The following CCDC121 variants were observed in gnomAD, a reference collection of about 807,000 sequenced individuals.
The protein encoded by CCDC121 is coiled-coil domain-containing protein 121.
For synonymous variants in CCDC121, 108 were observed against 120.0 expected (o/e 0.90, Z 0.65); for missense variants, 238 against 304.1 (o/e 0.78, Z 1.62).
intron 1 of CCDC121, chr2:27,628,408 C>T (rs1264291922): frequency 1.9e-6 from 3 of 1,551,494 alleles, no homozygotes; most frequent in Non-Finnish European, 2.6e-6. Context: ...GGAATCCAAG[C>T]ATTCATCCTG....
chr2:27,627,807 A>C lies in CCDC121; in HGVS notation c.-8T>G. The C allele has an allele frequency of 6.2e-7, 1 of 1,613,844 alleles. No individual in the cohort carries two copies. Among genetic ancestry groups the C allele is most frequent in the Non-Finnish European group, 8.5e-7 (1 of 1,179,930 alleles). Reference sequence around the variant, plus strand: ...CTTGTTCAGATCCGTCATTTCCGCCACTATCTTTTCTTTAAGCCTTGTCTC... The same window carrying C: ...CTTGTTCAGATCCGTCATTTCCGCCCCTATCTTTTCTTTAAGCCTTGTCTC... On this transcript the variant is annotated 5_prime_UTR_variant, in exon 2 of 2. Coordinates refer to ENST00000324364, the MANE Select transcript of CCDC121 (RefSeq NM_024584.5).
At position 27,627,059 on chromosome 2, in the gene CCDC121, C is replaced by G. The variant is rs1433311825; in HGVS notation, c.741G>C (p.Leu247=). ...TTAGGCACTGATTATGACTTCCTTG[C>G]AGTCTCTGCCTCGCCTGGATTAAGG... ...LESLIQARQR[L]QGSHNQCLNR... The change falls in exon 2 of 2, where the codon CTG becomes CTC. Residue 247 remains leucine (L), a synonymous_variant. Coordinates refer to ENST00000324364, the MANE Select transcript of CCDC121 (RefSeq NM_024584.5). 1.2e-6 allele frequency: 2 copies of G among 1,614,116 alleles called. No individual in the cohort carries two copies. Among genetic ancestry groups the G allele is most frequent in the Admixed American group, 3.3e-5 (2 of 60,018 alleles).
chr2:27,627,619 A>C lies in CCDC121; in HGVS notation c.181T>G (p.Tyr61Asp). 4 of 1,613,776 alleles carry C rather than the reference A, an allele frequency of 2.5e-6. No homozygotes were observed. The highest frequency in any genetic ancestry group is 3.4e-6 in the Non-Finnish European group (4 of 1,180,002). Reference sequence around the variant, plus strand: ...TCAATCTCTCCACTTTTTTGTAAATAGCTGTTCCATACCTTCTCAGGTTGC... The same window carrying C: ...TCAATCTCTCCACTTTTTTGTAAATCGCTGTTCCATACCTTCTCAGGTTGC... ...TEQPEKVWNS[Y>D]LQKSGEIERR... is the part of the protein sequence containing the mutation. The change falls in exon 2 of 2, where the codon TAT becomes GAT. Residue 61 changes from tyrosine (Y) to aspartate (D), a missense_variant. Coordinates refer to ENST00000324364, the MANE Select transcript of CCDC121 (RefSeq NM_024584.5).
rs562079192 is a variant in CCDC121 at position 27,628,053 on chromosome 2, C to T, written c.-118-136G>A. Reference sequence around the variant, plus strand: ...AGACATTATGCAAGGTGTGGGGAATCCAGCTAGTGGTAAAGGATGAGGAAT... The same window carrying T: ...AGACATTATGCAAGGTGTGGGGAATTCAGCTAGTGGTAAAGGATGAGGAAT... On this transcript the variant is annotated intron_variant, in intron 1 of 1. Coordinates refer to ENST00000324364, the MANE Select transcript of CCDC121 (RefSeq NM_024584.5). The T allele has an allele frequency of 3.5e-4, 237 of 685,892 alleles. 4 individuals carry two copies. In the South Asian group the frequency reaches 4.3e-3, roughly 13 times the overall value. The allele number at this position is 685,892 out of a possible 1,614,324, so 42.5% of individuals were successfully genotyped here.
chr2:27,627,984 CCTT>C, intron 1 of CCDC121, 67 bp from the exon 2 acceptor site: 2 of 1,055,072 alleles, frequency 1.9e-6, no homozygotes, highest in Non-Finnish European at 2.9e-6. Context: ...GCACAACTGT[CCTT>C]CATTCATACA....
rs776602104 is a variant in CCDC121 at position 27,627,844 on chromosome 2, G to A, written c.-45C>T. On this transcript the variant is annotated 5_prime_UTR_variant, in exon 2 of 2. Coordinates refer to ENST00000324364, the MANE Select transcript of CCDC121 (RefSeq NM_024584.5). ...TTAAGCCTTGTCTCTACCTTTGTTA[G>A]CTTCTCTGGCTTGACAAAATTATTT... 94 of 1,613,874 alleles carry A rather than the reference G, an allele frequency of 5.8e-5. No homozygotes were observed. The highest frequency in any genetic ancestry group is 7.5e-5 in the Non-Finnish European group (89 of 1,179,980).
In CCDC121 at chr2:27,625,787, A is replaced by G. The variant is rs1236527514; in HGVS notation, c.*1176T>C. 1.3e-5 allele frequency: 2 copies of G among 152,370 alleles called. No individual in the cohort carries two copies. The highest frequency in any genetic ancestry group is 2.9e-5 in the Non-Finnish European group (2 of 68,034). The allele number at this position is 152,370 out of a possible 1,614,324, so 9.4% of individuals were successfully genotyped here. The stretch of plus-strand genomic sequence containing the variant: ...TTTTCAGGGAATTCACTTTACATGT[A>G]AATAAAGCAGAAAATGCAGGAAAAT... On this transcript the variant is annotated 3_prime_UTR_variant, in exon 2 of 2. Coordinates refer to ENST00000324364, the MANE Select transcript of CCDC121 (RefSeq NM_024584.5).
At chr2:27,628,820 C>G in intron 1 of CCDC121, 130 bp downstream of exon 1, 3 of 1,483,048 alleles carry the variant, frequency 2.0e-6, no homozygotes, top group Non-Finnish European at 2.7e-6. Flanking sequence ...AGATCAGCGC[C>G]CTTTTCCTAG....
Position 27,627,639 on chromosome 2 carries a change from G to A in CCDC121, c.161C>T (p.Pro54Leu), listed in dbSNP as rs55842330. 1 of 1,613,526 alleles carries A rather than the reference G, an allele frequency of 6.2e-7. No individual in the cohort carries two copies. Among genetic ancestry groups the A allele is most frequent in the Non-Finnish European group, 8.5e-7 (1 of 1,179,962 alleles). ...TNKTEEYTEQ[P>L]EKVWNSYLQK... ...TAAATAGCTGTTCCATACCTTCTCAGGTTGCTCTGTGTACTCTTCAGTTTT... is the reference window on the plus strand; with the variant it reads ...TAAATAGCTGTTCCATACCTTCTCAAGTTGCTCTGTGTACTCTTCAGTTTT... Residue 54 changes from proline (P) to leucine (L), a missense_variant, in exon 2 of 2, where the codon CCT (proline) becomes CTT (leucine). Transcript: ENST00000324364.
At chr2:27,628,364 G>T in intron 1 of CCDC121, 2 of 1,530,918 alleles carry the variant, frequency 1.3e-6, no homozygotes, top group Non-Finnish European at 1.8e-6. Context: ...TGACTGGAGG[G>T]GAGGAAGCTC....
intron 1 of CCDC121, chr2:27,628,607 C>G (rs950267259): frequency 6.4e-7 from 1 of 1,551,460 alleles, no homozygotes; most frequent in African/African-American, 1.4e-5. Context: ...GCTCCAGTCC[C>G]GGCTGGTCCA....
In CCDC121 at chr2:27,626,257, GCATT is replaced by G. The variant is rs1673276540; in HGVS notation, c.*702_*705del. On this transcript the variant is annotated 3_prime_UTR_variant, in exon 2 of 2. Coordinates refer to ENST00000324364, the MANE Select transcript of CCDC121 (RefSeq NM_024584.5). ...ATACGTTTTCCTGAAATAAGTGGAG[GCATT>G]CAGTCACCTCAATGCTACAGGTGTT... 1 of 152,320 alleles carries G rather than the reference GCATT, an allele frequency of 6.6e-6. No homozygotes were observed. Among genetic ancestry groups the G allele is most frequent in the South Asian group, 2.1e-4 (1 of 4,830 alleles). 9.4% of individuals were successfully genotyped at this position (152,320 alleles called of 1,614,324 possible).
Position 27,626,099 on chromosome 2 carries a change from AAATT to A in CCDC121, c.*860_*863del, listed in dbSNP as rs1673273048. On this transcript the variant is annotated 3_prime_UTR_variant, in exon 2 of 2. Transcript: ENST00000324364. The stretch of plus-strand genomic sequence containing the variant: ...TGTACTAGAAAGTGCACCTGTAAGA[AAATT>A]AATAAATGACCTAAAACTAAAGCAT... 6.6e-6 allele frequency: 1 copy of A among 152,356 alleles called. No individual in the cohort carries two copies. The highest frequency in any genetic ancestry group is 2.1e-4 in the South Asian group (1 of 4,832). 9.4% of individuals were successfully genotyped at this position (152,356 alleles called of 1,614,324 possible).
chr2:27,628,995 C>G lies in CCDC121; in HGVS notation c.-164G>C, dbSNP rs574142073. On this transcript the variant is annotated 5_prime_UTR_variant, in exon 1 of 2. An upstream start codon of the reference 5' UTR is lost. Transcript: ENST00000324364. ...GGTGGTTTTCGTTCGCAGCCCAGAA[C>G]ATTGCGGAAGTTTCTCTACCCATGC... is the stretch of plus-strand genomic sequence containing the variant. 6 of 1,607,832 alleles carry G rather than the reference C, an allele frequency of 3.7e-6. No individual in the cohort carries two copies. The African/African-American group carries it at 8.0e-5, about 21-fold the overall frequency.
chr2:27,628,469 C>CGCTA (rs1673378286), intron 1 of CCDC121: 3 of 1,551,330 alleles, frequency 1.9e-6, no homozygotes, highest in South Asian at 1.2e-5. Flanking sequence ...AAGGAATGAG[C>CGCTA]GCTAGCATCA....
At position 27,627,619 on chromosome 2, in the gene CCDC121, A is replaced by G; in HGVS notation, c.181T>C (p.Tyr61His). The change falls in exon 2 of 2, where the codon TAT becomes CAT. Residue 61 changes from tyrosine to histidine, a missense_variant. Physicochemically the swap from Tyr to His is moderately conservative, Grantham distance 83. Coordinates refer to ENST00000324364, the MANE Select transcript of CCDC121 (RefSeq NM_024584.5). ...TEQPEKVWNS[Y>H]LQKSGEIERR... is the part of the protein sequence containing the mutation. Reference sequence around the variant, plus strand: ...TCAATCTCTCCACTTTTTTGTAAATAGCTGTTCCATACCTTCTCAGGTTGC... The same window carrying G: ...TCAATCTCTCCACTTTTTTGTAAATGGCTGTTCCATACCTTCTCAGGTTGC... The G allele has an allele frequency of 5.0e-6, 8 of 1,613,776 alleles. No individual in the cohort carries two copies. Among genetic ancestry groups the G allele is most frequent in the Non-Finnish European group, 5.9e-6 (7 of 1,180,002 alleles).
Position 27,627,889 on chromosome 2 carries a change from G to A in CCDC121, c.-90C>T. On this transcript the variant is annotated 5_prime_UTR_variant, in exon 2 of 2. Transcript: ENST00000324364. ...TTATTTATTAGACTATGATACGGTG[G>A]AAGGAGCCTTCTGGGGCCCTCAGCA... 6.2e-7 allele frequency: 1 copy of A among 1,613,852 alleles called. No individual in the cohort carries two copies. The highest frequency in any genetic ancestry group is 2.2e-5 in the East Asian group (1 of 44,874).
chr2:27,628,903 C>T (rs1673403577), intron 1 of CCDC121, 47 bp downstream of exon 1: 2 of 1,480,380 alleles, frequency 1.4e-6, no homozygotes, highest in African/African-American at 1.4e-5. Flanking sequence ...ACTCATCAGC[C>T]CTGCCCGACG....
At chr2:27,628,646 C>T (rs1373360479) in intron 1 of CCDC121, 1 of 1,551,602 alleles carries the variant, frequency 6.4e-7, no homozygotes, top group East Asian at 2.4e-5. Context: ...GCCTCGGCTA[C>T]CGAATAAGCC....
Sources: gnomAD v4.1 joint callset for allele counts on GRCh38, gnomAD v4.1.1 for gene constraint, MANE v1.5 for transcripts, NCBI Gene and HGNC (gene_info 2026-07-23, HGNC 2026-07-21) for gene names.